The following CLMN variants were observed in gnomAD, a reference collection of about 807,000 sequenced individuals.
CLMN encodes calmin (calponin-like, transmembrane).
In CLMN, 57 loss-of-function variants were observed where a neutral mutation model predicts 92.7. The ratio of observed to expected loss-of-function variants is 0.61; its 90% CI spans 0.50 to 0.77. The LOEUF is 0.77. CLMN is among the 30% of genes least tolerant of loss of function. CLMN has a pLI of 0.00. For synonymous variants in CLMN, 466 were observed against 470.6 expected, an observed-to-expected ratio of 0.99 and a Z score of 0.13; for missense variants, 1,158 against 1,237.5, an observed-to-expected ratio of 0.94 and a Z score of 0.96.
At chr14:95,317,524 T>C (rs980278812) in intron 1 of CLMN, among the ~76,000 whole-genome samples, 1 of 147,960 alleles carries the variant, frequency 6.8e-6, no homozygotes, top group Non-Finnish European at 1.5e-5. Flanking sequence ...ATCCATACCA[T>C]GGAATAGTAC....
chr14:95,219,403 G>T (rs920069224), intron 4 of CLMN, among the ~76,000 whole-genome samples: 8 of 152,180 alleles, frequency 5.3e-5, no homozygotes, highest in Non-Finnish European at 7.3e-5. Context: ...ACACTGCTAA[G>T]AACAGCCATA....
intron 1 of CLMN, among the ~76,000 whole-genome samples, chr14:95,233,241 G>T (rs1348651011): frequency 6.6e-6 from 1 of 152,182 alleles, no homozygotes; most frequent in East Asian, 1.9e-4. Context: ...TAGGCTGCTA[G>T]TTTAACTACA....
At chr14:95,314,039 C>G (rs1314066681) in intron 1 of CLMN, among the ~76,000 whole-genome samples, 1 of 152,226 alleles carries the variant, frequency 6.6e-6, no homozygotes, top group Admixed American at 6.5e-5. Flanking sequence ...TGTGGCGAAA[C>G]TTCTTCCTAG....
chr14:95,292,446 A>ACCCCCC (rs1566917508), intron 1 of CLMN, among the ~76,000 whole-genome samples: 5 of 30,594 alleles, frequency 1.6e-4, no homozygotes, highest in South Asian at 1.8e-3. Context: ...CCCCACCCCC[A>ACCCCCC]CCCCCACCTC....
At chr14:95,198,600 C>T (rs893891519) in intron 9 of CLMN, among the ~76,000 whole-genome samples, 2 of 152,094 alleles carry the variant, frequency 1.3e-5, no homozygotes, top group African/African-American at 4.8e-5. Flanking sequence ...GTGAGGCAGA[C>T]GGTGTTGATT....
rs1387474650 is a variant in CLMN, at chr14:95,184,745, C to G, written c.*6819G>C. 1 of 152,250 alleles carries G rather than the reference C, an allele frequency of 6.6e-6. No homozygotes were observed. Among genetic ancestry groups the G allele is most frequent in the Admixed American group, 6.5e-5 (1 of 15,288 alleles). 9.4% of individuals were successfully genotyped at this position (152,250 alleles called of 1,614,324 possible). A position where few individuals can be genotyped will look rare whatever the true frequency, so the allele number is the denominator to read the frequency against. On this transcript the variant is annotated 3_prime_UTR_variant, in exon 13 of 13. Coordinates refer to ENST00000298912, the MANE Select transcript of CLMN (RefSeq NM_024734.4). The stretch of plus-strand genomic sequence containing the variant: ...TGACCCACACCTGACCAAGCTCACC[C>G]CATGCCCTGTCTCACACACAATGGT...
At chr14:95,240,875 C>T (rs1440690767) in intron 1 of CLMN, among the ~76,000 whole-genome samples, 1 of 152,102 alleles carries the variant, frequency 6.6e-6, no homozygotes, top group Non-Finnish European at 1.5e-5. Context: ...CACTGTGAGC[C>T]AAGCCCCTCC....
chr14:95,202,982 G>A lies in CLMN; in HGVS notation c.2367C>T (p.Ser789=), dbSNP rs1191588764. The part of the protein sequence containing the change: ...SSSSSSVPGE[S]LPSASDQVLY... ...GCACCTGGTCGCTGGCACTGGGGAGGCTCTCTCCTGGCACCGAGGAACTGG... is the reference window on the plus strand; with the variant it reads ...GCACCTGGTCGCTGGCACTGGGGAGACTCTCTCCTGGCACCGAGGAACTGG... The change falls in exon 9 of 13, where the codon AGC becomes AGT. Residue 789 remains serine, a synonymous_variant. Transcript: ENST00000298912. 11 of 1,613,948 alleles carry A rather than the reference G, an allele frequency of 6.8e-6. No individual in the cohort carries two copies. Among genetic ancestry groups the A allele is most frequent in the African/African-American group, 1.3e-5 (1 of 74,896 alleles).
chr14:95,308,245 A>G (rs1358716162), intron 1 of CLMN, among the ~76,000 whole-genome samples: 1 of 152,268 alleles, frequency 6.6e-6, no homozygotes, highest in Non-Finnish European at 1.5e-5. Flanking sequence ...GACTCTAAAC[A>G]GAACCAGCTG....
rs1483127049 is a variant in CLMN, at chr14:95,184,754, G to A, written c.*6810C>T. 1 of 152,228 alleles carries A rather than the reference G, an allele frequency of 6.6e-6. No homozygotes were observed. The highest frequency in any genetic ancestry group is 2.4e-5 in the African/African-American group (1 of 41,434). The allele number at this position is 152,228 out of a possible 1,614,324, so 9.4% of individuals were successfully genotyped here. A position where few individuals can be genotyped will look rare whatever the true frequency, so the allele number is the denominator to read the frequency against. On this transcript the variant is annotated 3_prime_UTR_variant, in exon 13 of 13. Transcript: ENST00000298912. Reference sequence around the variant, plus strand: ...CCTGACCAAGCTCACCCCATGCCCTGTCTCACACACAATGGTAGAGAAGTG... The same window carrying A: ...CCTGACCAAGCTCACCCCATGCCCTATCTCACACACAATGGTAGAGAAGTG...
intron 1 of CLMN, among the ~76,000 whole-genome samples, chr14:95,277,233 T>C (rs1256313292): frequency 6.6e-6 from 1 of 152,254 alleles, no homozygotes; most frequent in Non-Finnish European, 1.5e-5. Flanking sequence ...TGTCTTTGTG[T>C]GTCACTCTGT....
In CLMN at chr14:95,272,963, C is replaced by T. The variant is rs558879414; in HGVS notation, c.83-42830G>A. 6.6e-5 allele frequency among the ~76,000 whole-genome samples: 10 copies of T among 152,290 alleles called. 1 individual carries two copies. In the South Asian group the frequency reaches 1.2e-3, roughly 19 times the overall value. On this transcript the variant is annotated intron_variant, in intron 1 of 12. Transcript: ENST00000298912. The stretch of plus-strand genomic sequence containing the variant: ...CCTTCCATCCCTCTCTGCAGCCAGC[C>T]GCTTTCCCTTCCCCAAAGCAAACAA...
chr14:95,287,545 C>T (rs1181308028), intron 1 of CLMN, among the ~76,000 whole-genome samples: 2 of 152,268 alleles, frequency 1.3e-5, no homozygotes, highest in Admixed American at 6.5e-5. Flanking sequence ...CTTGAGCACC[C>T]ATCAGAAGCA....
At chr14:95,223,191 G>C (rs1159638438) in intron 3 of CLMN, among the ~76,000 whole-genome samples, 1 of 152,198 alleles carries the variant, frequency 6.6e-6, no homozygotes, top group African/African-American at 2.4e-5. Context: ...CCCATAGCAA[G>C]AAACTATGTG....
At chr14:95,199,786 T>C (rs1338382683) in intron 9 of CLMN, among the ~76,000 whole-genome samples, 5 of 151,608 alleles carry the variant, frequency 3.3e-5, no homozygotes, top group Admixed American at 3.3e-4. Context: ...GAAGGTTGAA[T>C]AACTGCTTGC....
intron 1 of CLMN, among the ~76,000 whole-genome samples, chr14:95,231,133 C>G (rs1273832783): frequency 6.6e-6 from 1 of 151,860 alleles, no homozygotes. Flanking sequence ...TGGTGAGAAG[C>G]GAGCATCACG....
chr14:95,205,408 A>G (rs1595565883), intron 8 of CLMN, among the ~76,000 whole-genome samples: 1 of 152,232 alleles, frequency 6.6e-6, no homozygotes, highest in South Asian at 2.1e-4. Context: ...AAGGCTCTAG[A>G]ATAACTAATC....
intron 1 of CLMN, among the ~76,000 whole-genome samples, chr14:95,312,628 T>G (rs891859250): frequency 2.0e-5 from 3 of 152,166 alleles, no homozygotes; most frequent in African/African-American, 7.2e-5. Flanking sequence ...CGAACCTGAT[T>G]CCAGCCTTCC....
At chr14:95,245,141 C>T (rs78577290) in intron 1 of CLMN, among the ~76,000 whole-genome samples, 17,553 of 74,778 alleles carry the variant, frequency 0.23, 3,211 homozygotes, top group African/African-American at 0.46. Flanking sequence ...ATTTCCTGAC[C>T]GCAAAGTGAA....
Sources: gnomAD v4.1 joint callset for allele counts (sites outside exome capture counted in the v4.1 genomes callset) on GRCh38, gnomAD v4.1.1 for gene constraint, MANE v1.5 for transcripts, NCBI Gene and HGNC (gene_info 2026-07-23, HGNC 2026-07-21) for gene names.